Variants in PTK2 observed in about 807,000 individuals in gnomAD.
PTK2 encodes protein tyrosine kinase 2, also known as focal adhesion kinase 1.
Under a neutral mutation model 150.1 loss-of-function variants are expected in PTK2, and 45 were observed. That is an observed-to-expected ratio of 0.30 (90% CI 0.24 to 0.38). PTK2 has a LOEUF of 0.38. Ranked by LOEUF, PTK2 falls within the 10% of genes least tolerant of loss-of-function variation. The pLI is 1.00. For synonymous variants in PTK2, 432 were observed against 449.2 expected, an observed-to-expected ratio of 0.96 and a Z score of 0.48; for missense variants, 919 against 1,307.3, an observed-to-expected ratio of 0.70 and a Z score of 4.58.
chr8:140,756,881 C>T lies in PTK2; in HGVS notation c.1332+4284G>A, dbSNP rs1395596787. ...GTGGGCGCTTGTAGTCCCAGCTACT[C>T]GGGAGGCTGAGGCAGGAGAATGGCG... On this transcript the variant is annotated intron_variant, in intron 16 of 31. Transcript: ENST00000522684. 3.7e-4 allele frequency among the ~76,000 whole-genome samples: 54 copies of T among 144,658 alleles called. 1 individual carries two copies. Among genetic ancestry groups the T allele is most frequent in the Admixed American group, 3.6e-3 (53 of 14,568 alleles). The allele number at this position is 144,658 out of a possible 152,430, so 94.9% of individuals were successfully genotyped here.
chr8:140,838,821 A>G (rs935570196), intron 7 of PTK2, among the ~76,000 whole-genome samples: 3 of 152,134 alleles, frequency 2.0e-5, no homozygotes, highest in African/African-American at 7.2e-5. Context: ...CCTGGCTAAC[A>G]TGGTGAAATC....
chr8:140,659,570 G>T (rs972143590), exon 32 of PTK2: 34 of 1,613,998 alleles, frequency 2.1e-5, no homozygotes, highest in Non-Finnish European at 2.9e-5. Context: ...GTCAGCATTT[G>T]CTTTTTGTAC....
chr8:140,737,798 T>C (rs2100053455), intron 21 of PTK2, among the ~76,000 whole-genome samples: 1 of 152,210 alleles, frequency 6.6e-6, no homozygotes, highest in African/African-American at 2.4e-5. Context: ...CTTAGAAGTT[T>C]TGAAACATGA....
At chr8:140,693,572 A>T (rs1456409438) in intron 26 of PTK2, among the ~76,000 whole-genome samples, 4 of 45,202 alleles carry the variant, frequency 8.8e-5, no homozygotes, top group East Asian at 1.6e-3. Flanking sequence ...ATTAAAAAAA[A>T]AAAAAAAAAA....
chr8:140,679,601 G>C (rs907212884), intron 27 of PTK2, among the ~76,000 whole-genome samples: 1 of 152,116 alleles, frequency 6.6e-6, no homozygotes, highest in African/African-American at 2.4e-5. Context: ...GCTGTTAGGG[G>C]CTTTGGTTTT....
intron 31 of PTK2, chr8:140,663,196 C>G (rs751026727): frequency 6.4e-6 from 1 of 155,524 alleles, no homozygotes; most frequent in South Asian, 2.1e-4. Flanking sequence ...GATACACAGC[C>G]ATTCTCAAGC....
intron 2 of PTK2, chr8:140,921,022 GCTC>G (rs2100167197): frequency 1.4e-5 from 18 of 1,292,696 alleles, no homozygotes; most frequent in Non-Finnish European, 1.5e-5. Flanking sequence ...TCCCCTGTGT[GCTC>G]CTTTTTTCAG....
At chr8:140,948,257 C>G (rs911985960) in intron 1 of PTK2, among the ~76,000 whole-genome samples, 1 of 152,078 alleles carries the variant, frequency 6.6e-6, no homozygotes, top group Non-Finnish European at 1.5e-5. Flanking sequence ...AAATAATAAA[C>G]TAGTTTTAGA....
intron 8 of PTK2, among the ~76,000 whole-genome samples, chr8:140,828,105 G>A (rs1198230525): frequency 6.6e-6 from 1 of 151,336 alleles, no homozygotes; most frequent in East Asian, 1.9e-4. Flanking sequence ...GGAGGAGGTT[G>A]CAGCGAGTCG....
intron 26 of PTK2, among the ~76,000 whole-genome samples, chr8:140,691,589 C>T (rs922902376): frequency 2.6e-5 from 4 of 152,156 alleles, no homozygotes; most frequent in South Asian, 2.1e-4. Flanking sequence ...TCTGCCTCAC[C>T]GCTGCGTCTC....
At chr8:140,800,331 T>C (rs538763111) in intron 12 of PTK2, 128 bp downstream of exon 12, 6 of 795,372 alleles carry the variant, frequency 7.5e-6, no homozygotes, top group East Asian at 7.4e-5. Context: ...CAGATTATAC[T>C]GAGCTGAATT....
At chr8:140,679,639 C>T (rs1472159552) in intron 27 of PTK2, among the ~76,000 whole-genome samples, 1 of 152,204 alleles carries the variant, frequency 6.6e-6, no homozygotes, top group Non-Finnish European at 1.5e-5. Flanking sequence ...GCTAATAACA[C>T]TTACCTAATA....
chr8:140,888,405 T>C (rs1038180877), intron 3 of PTK2, among the ~76,000 whole-genome samples: 1 of 152,236 alleles, frequency 6.6e-6, no homozygotes, highest in Non-Finnish European at 1.5e-5. Context: ...AGGAAAGGGC[T>C]ATGGTGAATT....
At chr8:140,965,663 G>T (rs2100185004) in intron 1 of PTK2, among the ~76,000 whole-genome samples, 1 of 152,182 alleles carries the variant, frequency 6.6e-6, no homozygotes, top group Non-Finnish European at 1.5e-5. Flanking sequence ...GATCACCTGA[G>T]ATCAGGAGTT....
chr8:141,001,542 C>CG (rs2100200268), upstream of PTK2, among the ~76,000 whole-genome samples: 1 of 152,112 alleles, frequency 6.6e-6, no homozygotes, highest in African/African-American at 2.4e-5. Context: ...GCCCTGGTCT[C>CG]GGGGGTGGCC....
chr8:140,725,214 G>A (rs1351176638), intron 22 of PTK2, among the ~76,000 whole-genome samples: 1 of 151,068 alleles, frequency 6.6e-6, no homozygotes, highest in Non-Finnish European at 1.5e-5. Context: ...GCTCACTGCA[G>A]CCTTGGCCTC....
chr8:140,787,132 CT>C (rs2100085430), intron 14 of PTK2, among the ~76,000 whole-genome samples: 1 of 152,056 alleles, frequency 6.6e-6, no homozygotes, highest in Non-Finnish European at 1.5e-5. Context: ...TGGTAGCAAT[CT>C]AAGAGCATGG....
chr8:140,834,296 A>C (rs2100117350), intron 7 of PTK2, among the ~76,000 whole-genome samples: 1 of 152,194 alleles, frequency 6.6e-6, no homozygotes, highest in South Asian at 2.1e-4. Context: ...CAACCACTCA[A>C]GGTTCTTGCC....
intron 1 of PTK2, among the ~76,000 whole-genome samples, chr8:140,943,797 G>A (rs960691641): frequency 2.0e-5 from 3 of 152,076 alleles, no homozygotes; most frequent in African/African-American, 7.2e-5. Flanking sequence ...ATGATATCTC[G>A]TGTGGTTGTA....
Sources: allele counts gnomAD v4.1 joint callset (sites outside exome capture counted in the v4.1 genomes callset), GRCh38; gene constraint gnomAD v4.1.1; transcripts MANE v1.5; gene names NCBI Gene and HGNC (gene_info 2026-07-23, HGNC 2026-07-21).